COL24A1: variants seen among roughly 807,000 people sequenced by gnomAD.
COL24A1 encodes the protein collagen type XXIV alpha 1 chain.
COL24A1 carries 224 observed loss-of-function variants against 253.9 expected under a neutral mutation model. The observed-to-expected ratio is 0.88, with a 90% CI of 0.79 to 0.99. The LOEUF is 0.99. COL24A1 is among the 50% of genes least tolerant of loss of function. COL24A1 has a pLI of 0.00. For synonymous variants in COL24A1, 685 were observed against 673.7 expected, an observed-to-expected ratio of 1.02 and a Z score of -0.26; for missense variants, 2,131 against 2,068.5, an observed-to-expected ratio of 1.03 and a Z score of -0.59.
intron 13 of COL24A1, among the ~76,000 whole-genome samples, chr1:86,032,225 A>C (rs564615240): frequency 1.4e-4 from 21 of 152,198 alleles, no homozygotes; most frequent in Non-Finnish European, 3.1e-4. Context: ...CCTATCAATA[A>C]TCAACACTGT....
At position 85,796,737 on chromosome 1, in the gene COL24A1, A is replaced by C. The variant is rs1019555665; in HGVS notation, c.3952-10276T>G. On this transcript the variant is annotated intron_variant, in intron 47 of 59. Transcript: ENST00000370571. ...AAGATGATACCCAATAAATACATGCAGTGTACTATGCATTTTACATACAAT... is the reference window on the plus strand; with the variant it reads ...AAGATGATACCCAATAAATACATGCCGTGTACTATGCATTTTACATACAAT... 2.0e-5 allele frequency among the ~76,000 whole-genome samples: 3 copies of C among 152,366 alleles called. No individual in the cohort carries two copies. The East Asian group carries it at 5.8e-4, about 29-fold the overall frequency.
At chr1:85,978,685 G>T (rs570288) in intron 20 of COL24A1, among the ~76,000 whole-genome samples, 79,263 of 151,894 alleles carry the variant, frequency 0.52, 21,077 homozygotes, top group Admixed American at 0.58. Context: ...CTTCCAAATT[G>T]ATAAAACAAT....
Position 85,948,859 on chromosome 1 carries a change from A to T in COL24A1, c.2562+12390T>A, listed in dbSNP as rs556081244. Among the ~76,000 whole-genome samples the T allele has an allele frequency of 2.4e-4, 37 of 151,512 alleles. No homozygotes were observed. The South Asian group carries it at 4.1e-3, about 17-fold the overall frequency. On this transcript the variant is annotated intron_variant, in intron 24 of 59. Coordinates refer to ENST00000370571, the MANE Select transcript of COL24A1 (RefSeq NM_152890.7). Reference sequence around the variant, plus strand: ...GTATAATAAAAAATATATATATATTAAAAAAAATCCTCAACAAAATACTGG... The same window carrying T: ...GTATAATAAAAAATATATATATATTTAAAAAAATCCTCAACAAAATACTGG...
chr1:85,826,956 C>A (rs931131783), intron 43 of COL24A1, among the ~76,000 whole-genome samples: 49 of 151,972 alleles, frequency 3.2e-4, no homozygotes, highest in African/African-American at 1.1e-3. Context: ...GAACTTCCAA[C>A]ACTATGTTGA....
chr1:86,084,898 C>T (rs1321520132), intron 7 of COL24A1, among the ~76,000 whole-genome samples: 3 of 151,936 alleles, frequency 2.0e-5, no homozygotes, highest in African/African-American at 4.8e-5. Context: ...CAGCACAACC[C>T]CCAAGCAGCG....
intron 7 of COL24A1, among the ~76,000 whole-genome samples, chr1:86,071,122 T>C (rs2101839445): frequency 6.6e-6 from 1 of 152,226 alleles, no homozygotes; most frequent in African/African-American, 2.4e-5. Flanking sequence ...TTTTTATCAG[T>C]TTTCTTTTTA....
chr1:86,037,274 A>G (rs916148909), intron 12 of COL24A1, among the ~76,000 whole-genome samples: 1 of 152,174 alleles, frequency 6.6e-6, no homozygotes, highest in Non-Finnish European at 1.5e-5. Context: ...CTTTGAGTGT[A>G]GCTAGCACCT....
At chr1:85,986,483 T>C (rs891861060) in intron 20 of COL24A1, among the ~76,000 whole-genome samples, 1 of 151,824 alleles carries the variant, frequency 6.6e-6, no homozygotes, top group Non-Finnish European at 1.5e-5. Context: ...CTCTTCAGCA[T>C]GGTATTGAAT....
At chr1:86,124,334 C>T (rs1507266) in intron 3 of COL24A1, among the ~76,000 whole-genome samples, 22,908 of 151,770 alleles carry the variant, frequency 0.15, 1,887 homozygotes, top group South Asian at 0.25. Context: ...AGACAGTCAA[C>T]GATTCATTAC....
chr1:85,941,258 T>C (rs544907296), intron 24 of COL24A1, among the ~76,000 whole-genome samples: 2 of 152,202 alleles, frequency 1.3e-5, no homozygotes, highest in Non-Finnish European at 2.9e-5. Context: ...TGTTGTGTTT[T>C]CTGAGGATTA....
rs140794441 is a variant in COL24A1 at position 86,045,602 on chromosome 1, G to GTA, written c.1950+1221_1950+1222dup. 2.5e-3 allele frequency among the ~76,000 whole-genome samples: 375 copies of GTA among 152,212 alleles called. 10 individuals are homozygous for GTA. In the East Asian group the frequency reaches 0.046, roughly 19 times the overall value. On this transcript the variant is annotated intron_variant, in intron 12 of 59. Transcript: ENST00000370571. The stretch of plus-strand genomic sequence containing the variant: ...CACCAATGTATTCAAGTGTAACAGA[G>GTA]TATAGTTAAATGAGATGGCATACAA...
At chr1:85,789,606 A>AG (rs1308560182) in intron 47 of COL24A1, among the ~76,000 whole-genome samples, 2 of 151,986 alleles carry the variant, frequency 1.3e-5, no homozygotes, top group African/African-American at 4.8e-5. Context: ...GAGTGAGGAG[A>AG]GGGGGTATCC....
At chr1:85,922,058 AAG>A (rs1332254435) in intron 24 of COL24A1, among the ~76,000 whole-genome samples, 4 of 152,354 alleles carry the variant, frequency 2.6e-5, no homozygotes, top group African/African-American at 9.6e-5. Context: ...TAGTGGAAGA[AAG>A]AGTATCAGTG....
chr1:86,045,708 AAGAT>A, intron 12 of COL24A1: 1 of 301,118 alleles, frequency 3.3e-6, no homozygotes, highest in South Asian at 3.4e-5. Flanking sequence ...TAACCATTAT[AAGAT>A]TAGCTTCTAC....
At chr1:85,746,185 G>T (rs1665195115) in intron 55 of COL24A1, among the ~76,000 whole-genome samples, 1 of 152,104 alleles carries the variant, frequency 6.6e-6, no homozygotes, top group Non-Finnish European at 1.5e-5. Context: ...AATGGCATCT[G>T]TGTAAGTGAA....
chr1:85,969,200 A>G (rs1238971630), intron 22 of COL24A1, among the ~76,000 whole-genome samples: 1 of 152,214 alleles, frequency 6.6e-6, no homozygotes, highest in Non-Finnish European at 1.5e-5. Context: ...CACGAAAAAT[A>G]AAATGAAAAC....
intron 24 of COL24A1, among the ~76,000 whole-genome samples, chr1:85,936,517 A>G (rs1688262544): frequency 1.4e-5 from 2 of 147,126 alleles, no homozygotes; most frequent in Non-Finnish European, 3.0e-5. Flanking sequence ...CAGGTATTTG[A>G]TCAAGAGAAC....
rs181399142 is a variant in COL24A1 at position 86,046,925 on chromosome 1, T to C, written c.1906-56A>G. 88 of 976,176 alleles carry C rather than the reference T, an allele frequency of 9.0e-5. No individual in the cohort carries two copies. In the African/African-American group the frequency reaches 1.3e-3, roughly 15 times the overall value. 60.5% of individuals were successfully genotyped at this position (976,176 alleles called of 1,614,324 possible). ...TGTTGAATGAATGAATTAGGTACTA[T>C]AGATCTTTTTCTCCCAATATAAAGC... On this transcript the variant is annotated intron_variant, in intron 11 of 59. Coordinates refer to ENST00000370571, the MANE Select transcript of COL24A1 (RefSeq NM_152890.7).
At chr1:85,992,874 T>C (rs532837985) in intron 19 of COL24A1, among the ~76,000 whole-genome samples, 4 of 152,164 alleles carry the variant, frequency 2.6e-5, no homozygotes, top group African/African-American at 7.2e-5. Flanking sequence ...GTCTTCTTAA[T>C]AGAACTAGTC....
Sources: gnomAD v4.1 joint callset for allele counts (sites outside exome capture counted in the v4.1 genomes callset) on GRCh38, gnomAD v4.1.1 for gene constraint, MANE v1.5 for transcripts, NCBI Gene and HGNC (gene_info 2026-07-23, HGNC 2026-07-21) for gene names.